SLIT1: variants seen among roughly 807,000 people sequenced by gnomAD.
SLIT1 encodes slit homolog 1 protein.
Under a neutral mutation model 186.1 loss-of-function variants are expected in SLIT1, and 66 were observed. The ratio of observed to expected loss-of-function variants is 0.35; its 90% CI spans 0.29 to 0.44. The LOEUF is 0.44. SLIT1 is among the 20% of genes least tolerant of loss of function. The probability of loss-of-function intolerance (pLI) is 1.00; values close to 1 mark genes in which losing one functional copy is unlikely to be tolerated. For synonymous variants in SLIT1, 761 were observed against 833.8 expected (o/e 0.91, Z 1.50); for missense variants, 1,638 against 2,037.4 (o/e 0.80, Z 3.77).
chr10:97,046,734 C>G lies in SLIT1; in HGVS notation c.1773G>C (p.Val591=). Reference sequence around the variant, plus strand: ...GGTTGGCAGTTAGGTGCAGCTCGCTCACAGAGGCTGCGCCCTCGAAGGCCC... The same window carrying G: ...GGTTGGCAGTTAGGTGCAGCTCGCTGACAGAGGCTGCGCCCTCGAAGGCCC... ...EDGAFEGAAS[V]SELHLTANQL... Residue 591 remains valine (V), a synonymous_variant, in exon 18 of 37, where the codon GTG becomes GTC. Transcript: ENST00000266058. 6.2e-7 allele frequency: 1 copy of G among 1,612,652 alleles called. No homozygotes were observed. Among genetic ancestry groups the G allele is most frequent in the Non-Finnish European group, 8.5e-7 (1 of 1,180,022 alleles).
chr10:97,147,424 T>C (rs1849829383), intron 4 of SLIT1, among the ~76,000 whole-genome samples: 2 of 152,126 alleles, frequency 1.3e-5, no homozygotes, highest in Admixed American at 1.3e-4. Context: ...ATGATAAATA[T>C]TATGTATATT....
At chr10:97,160,824 G>T (rs548900786) in intron 3 of SLIT1, among the ~76,000 whole-genome samples, 135 of 152,270 alleles carry the variant, frequency 8.9e-4, no homozygotes, top group African/African-American at 3.2e-3. Flanking sequence ...GGGTTCAAGT[G>T]ATTCTCCTGC....
chr10:97,046,846 C>T, intron 17 of SLIT1, 49 bp from the exon 18 acceptor site: 1 of 1,599,206 alleles, frequency 6.3e-7, no homozygotes, highest in Non-Finnish European at 8.5e-7. Flanking sequence ...CAGCCAGGAG[C>T]TCAGGCCCCT....
intron 1 of SLIT1, among the ~76,000 whole-genome samples, chr10:97,179,468 A>C (rs1381619437): frequency 1.3e-5 from 2 of 152,102 alleles, no homozygotes; most frequent in African/African-American, 4.8e-5. Flanking sequence ...CTATGAGGTA[A>C]ATGCTGTCAC....
intron 1 of SLIT1, among the ~76,000 whole-genome samples, chr10:97,165,240 C>A (rs1419411597): frequency 6.6e-6 from 1 of 152,216 alleles, no homozygotes; most frequent in African/African-American, 2.4e-5. Context: ...CAGGTAGAAT[C>A]CTCGCTGAGC....
Position 97,060,079 on chromosome 10 carries a change from G to A in SLIT1, c.1013+8C>T. On this transcript the variant is annotated splice_region_variant and intron_variant, in intron 10 of 36. Coordinates refer to ENST00000266058, the MANE Select transcript of SLIT1 (RefSeq NM_003061.3). ...CCAGCTCCCCAGGAAGCAGTGGGAG[G>A]CACTCACATCCTCCGTAGCTTTCTG... The A allele has an allele frequency of 6.2e-7, 1 of 1,607,268 alleles. No individual in the cohort carries two copies. Among genetic ancestry groups the A allele is most frequent in the Non-Finnish European group, 8.5e-7 (1 of 1,173,716 alleles).
intron 1 of SLIT1, among the ~76,000 whole-genome samples, chr10:97,172,694 T>C (rs1282476220): frequency 2.0e-5 from 3 of 152,002 alleles, no homozygotes; most frequent in South Asian, 4.2e-4. Flanking sequence ...GTGGGGAGAA[T>C]TGCTTGAGAT....
chr10:97,069,666 C>T (rs533958953), intron 4 of SLIT1, among the ~76,000 whole-genome samples: 51 of 152,218 alleles, frequency 3.4e-4, no homozygotes, highest in African/African-American at 1.2e-3. Flanking sequence ...TTCTAAGCAG[C>T]GGTAACAGCA....
chr10:97,069,018 T>C (rs542416099), intron 4 of SLIT1, among the ~76,000 whole-genome samples: 8 of 152,358 alleles, frequency 5.3e-5, no homozygotes, highest in African/African-American at 1.9e-4. Context: ...ATATAAGAAA[T>C]TGCTACCCTG....
intron 12 of SLIT1, 138 bp from the exon 13 acceptor site, chr10:97,056,602 C>T: frequency 3.4e-6 from 3 of 875,942 alleles, no homozygotes; most frequent in South Asian, 3.6e-5. Context: ...GGAATCTGCC[C>T]TCTGGATGTC....
At chr10:97,032,107 C>A (rs1198914860) in intron 23 of SLIT1, among the ~76,000 whole-genome samples, 1 of 152,246 alleles carries the variant, frequency 6.6e-6, no homozygotes, top group Non-Finnish European at 1.5e-5. Context: ...CTGCGGGGAG[C>A]TCACCGTCTC....
chr10:97,128,597 G>A (rs558612155), intron 4 of SLIT1, among the ~76,000 whole-genome samples: 1 of 152,310 alleles, frequency 6.6e-6, no homozygotes, highest in Non-Finnish European at 1.5e-5. Context: ...GTGTGTGCAG[G>A]ATCCACAGAA....
rs761635790 is a variant in SLIT1, at chr10:97,043,030, G to C, written c.2035C>G (p.Leu679Val). The C allele has an allele frequency of 1.9e-6, 3 of 1,614,192 alleles. No homozygotes were observed. In the South Asian group the frequency reaches 3.3e-5, roughly 18 times the overall value. The change falls in exon 20 of 37, where the codon CTG (leucine) becomes GTG (valine). Residue 679 changes from leucine (L) to valine (V), a missense_variant. Physicochemically the swap from Leu to Val is conservative, Grantham distance 32. Coordinates refer to ENST00000266058, the MANE Select transcript of SLIT1 (RefSeq NM_003061.3). This position sits in a 1 kb window ranked among gnomAD's most constrained non-coding sequence, Gnocchi z 7.0. ...CGTAGCCAGCCTCCTAGCCAGGCCA[G>C]CTGGCAGTTGCAGTTGAAAGGGTTG... ...LANPFNCNCQ[L>V]AWLGGWLRKR...
rs1260363451 is a variant in SLIT1, at chr10:97,021,571, T to C, written c.2583-158A>G. On this transcript the variant is annotated intron_variant, in intron 25 of 36. Transcript: ENST00000266058. The surrounding 1 kb of genome is among the most constrained non-coding windows in gnomAD (Gnocchi z 4.5). ...TAGTCAGTGCTGCTTTTTTTTTTTTTTCTTTTTTTGAGATGGAGTGTCGCT... is the reference window on the plus strand; with the variant it reads ...TAGTCAGTGCTGCTTTTTTTTTTTTCTCTTTTTTTGAGATGGAGTGTCGCT... Among the ~76,000 whole-genome samples, 1 of 151,152 alleles carries C rather than the reference T, an allele frequency of 6.6e-6. No individual in the cohort carries two copies. The highest frequency in any genetic ancestry group is 2.5e-5 in the African/African-American group (1 of 40,600).
chr10:97,142,600 A>G (rs954429667), intron 4 of SLIT1, among the ~76,000 whole-genome samples: 2 of 152,270 alleles, frequency 1.3e-5, no homozygotes, highest in Non-Finnish European at 2.9e-5. Flanking sequence ...CATAGAAAAC[A>G]AAAGCAAAAT....
At chr10:97,185,434 G>A (rs1850398667) in intron 1 of SLIT1, 44 bp downstream of exon 1, 2 of 1,584,224 alleles carry the variant, frequency 1.3e-6, no homozygotes, top group South Asian at 2.3e-5. Flanking sequence ...TGGGTGGGAG[G>A]GCAACCTCGG....
rs201695824 is a variant in SLIT1 at position 97,142,962 on chromosome 10, T to TA, written c.413+14855dup. ...ATCACCTCATTAGGATGGCTACTGT[T>TA]AAAAAAAAAGAGAAAATAACAAGTG... On this transcript the variant is annotated intron_variant, in intron 4 of 36. Coordinates refer to ENST00000266058, the MANE Select transcript of SLIT1 (RefSeq NM_003061.3). Among the ~76,000 whole-genome samples, 470 of 151,344 alleles carry TA rather than the reference T, an allele frequency of 3.1e-3. 1 individual carries two copies. The highest frequency in any genetic ancestry group is 5.4e-3 in the Non-Finnish European group (364 of 67,782).
intron 4 of SLIT1, among the ~76,000 whole-genome samples, chr10:97,078,499 C>A (rs916445654): frequency 1.3e-5 from 2 of 152,196 alleles, no homozygotes; most frequent in African/African-American, 4.8e-5. Flanking sequence ...AGCTACTGAG[C>A]ATGCGTTCCC....
intron 3 of SLIT1, 70 bp from the exon 4 acceptor site, chr10:97,157,959 C>A: frequency 8.6e-7 from 1 of 1,160,088 alleles, no homozygotes; most frequent in Non-Finnish European, 1.3e-6. Flanking sequence ...TCAGAAAGCA[C>A]AAGATGGATT....
Sources: gnomAD v4.1 joint callset for allele counts (sites outside exome capture counted in the v4.1 genomes callset) on GRCh38, gnomAD v4.1.1 for gene constraint, Gnocchi (gnomAD v3.1) non-coding constraint, MANE v1.5 for transcripts, NCBI Gene and HGNC (gene_info 2026-07-23, HGNC 2026-07-21) for gene names.